TAOK1: variants seen among roughly 807,000 people sequenced by gnomAD.
The protein encoded by TAOK1 is TAO kinase 1.
TAOK1 carries 21 observed loss-of-function variants against 138.3 expected under a neutral mutation model. That is an observed-to-expected ratio of 0.15 (90% confidence interval 0.11 to 0.22). TAOK1 has a LOEUF of 0.22. Ranked by LOEUF, TAOK1 falls within the 10% of genes least tolerant of loss-of-function variation. TAOK1 has a pLI of 1.00. For missense variants in TAOK1, 651 were observed against 1,227.7 expected (o/e 0.53, Z 7.02); for synonymous variants, 361 against 398.4 (o/e 0.91, Z 1.12).
Position 29,530,389 on chromosome 17 carries a change from AT to A in TAOK1, c.2149-9del, listed in dbSNP as rs573433155. On this transcript the variant is annotated splice_polypyrimidine_tract_variant and intron_variant, in intron 17 of 19. Transcript: ENST00000261716. Reference sequence around the variant, plus strand: ...CTTTCGTTACAACTTACATAAATGTATTTTTTTTTCTTCCCAGTCTAAAGAA... The same window carrying A: ...CTTTCGTTACAACTTACATAAATGTATTTTTTTTCTTCCCAGTCTAAAGAA... The A allele has an allele frequency of 4.9e-5, 78 of 1,582,088 alleles. No individual in the cohort carries two copies. Among genetic ancestry groups the A allele is most frequent in the Middle Eastern group, 1.7e-4 (1 of 5,972 alleles).
At chr17:29,408,227 T>G (rs1484326378) in intron 1 of TAOK1, among the ~76,000 whole-genome samples, 1 of 150,814 alleles carries the variant, frequency 6.6e-6, no homozygotes, top group Non-Finnish European at 1.5e-5. Context: ...ATAAGGTTTT[T>G]TTTTTTTTTT....
intron 1 of TAOK1, among the ~76,000 whole-genome samples, chr17:29,405,636 G>C (rs886082301): frequency 6.6e-6 from 1 of 151,908 alleles, no homozygotes; most frequent in Non-Finnish European, 1.5e-5. Context: ...AAAATTAGCT[G>C]GGTGTGGTGG....
At chr17:29,523,432 GGCTGGAGT>G (rs1567743754) in intron 17 of TAOK1, among the ~76,000 whole-genome samples, 1 of 152,180 alleles carries the variant, frequency 6.6e-6, no homozygotes, top group Non-Finnish European at 1.5e-5. Context: ...CTTTCGCCCA[GGCTGGAGT>G]GCAGCGGCAT....
chr17:29,413,039 C>A (rs1317799142), intron 1 of TAOK1, among the ~76,000 whole-genome samples: 3 of 152,082 alleles, frequency 2.0e-5, no homozygotes, highest in Non-Finnish European at 4.4e-5. Flanking sequence ...ACATTAAGAT[C>A]CTGTGGTCTA....
chr17:29,448,311 A>G (rs1020869757), intron 1 of TAOK1, among the ~76,000 whole-genome samples: 9 of 152,126 alleles, frequency 5.9e-5, no homozygotes, highest in Non-Finnish European at 4.4e-5. Context: ...TATCAAATCA[A>G]TCTTTTTCCC....
chr17:29,491,901 T>C (rs1369715299), intron 10 of TAOK1, 36 bp downstream of exon 10: 1 of 1,503,372 alleles, frequency 6.7e-7, no homozygotes, highest in Non-Finnish European at 9.2e-7. Context: ...TTATTTTATT[T>C]TAAGACAAGG....
intron 18 of TAOK1, 67 bp from the exon 19 acceptor site, chr17:29,534,051 T>C (rs879179866): frequency 6.9e-7 from 1 of 1,441,854 alleles, no homozygotes; most frequent in South Asian, 1.7e-5. Flanking sequence ...CTCCTTTCCA[T>C]AGGTCATGAA....
chr17:29,446,880 A>G (rs1276025271), intron 1 of TAOK1, among the ~76,000 whole-genome samples: 1 of 151,778 alleles, frequency 6.6e-6, no homozygotes, highest in East Asian at 1.9e-4. Flanking sequence ...CTGGGATTAC[A>G]GGCGTGCACC....
intron 1 of TAOK1, among the ~76,000 whole-genome samples, chr17:29,404,667 G>C (rs961634322): frequency 1.3e-5 from 2 of 152,038 alleles, no homozygotes; most frequent in Non-Finnish European, 2.9e-5. Context: ...GCATGTGCCT[G>C]TGGTCCCAGC....
intron 1 of TAOK1, among the ~76,000 whole-genome samples, chr17:29,445,834 T>C (rs2030062232): frequency 6.6e-6 from 1 of 152,194 alleles, no homozygotes; most frequent in South Asian, 2.1e-4. Context: ...TAAAATGAAT[T>C]GGGAAATGTT....
At chr17:29,476,552 G>A (rs537335302) in intron 4 of TAOK1, among the ~76,000 whole-genome samples, 22 of 152,232 alleles carry the variant, frequency 1.4e-4, no homozygotes, top group African/African-American at 5.3e-4. Flanking sequence ...AAAATACCTG[G>A]CACATAGGAG....
At chr17:29,504,276 C>CAAAAAA (rs71138826) in intron 13 of TAOK1, among the ~76,000 whole-genome samples, 19 of 40,798 alleles carry the variant, frequency 4.7e-4, no homozygotes, top group Middle Eastern at 0.033. Context: ...GACCCTGTCT[C>CAAAAAA]AAAAAAAAAA....
At chr17:29,536,449 A>G (rs549954729) in intron 19 of TAOK1, among the ~76,000 whole-genome samples, 174 of 151,552 alleles carry the variant, frequency 1.1e-3, no homozygotes, top group African/African-American at 4.1e-3. Context: ...AATACAAAAA[A>G]TTAACCCGGG....
At chr17:29,535,230 G>A (rs1438598001) in intron 19 of TAOK1, among the ~76,000 whole-genome samples, 5 of 152,074 alleles carry the variant, frequency 3.3e-5, no homozygotes, top group African/African-American at 9.7e-5. Flanking sequence ...AAGATGGATT[G>A]AGCCTAGAAG....
chr17:29,409,573 TCC>T (rs1905092146), intron 1 of TAOK1, among the ~76,000 whole-genome samples: 1 of 151,864 alleles, frequency 6.6e-6, no homozygotes, highest in African/African-American at 2.4e-5. Context: ...GACCTTGTGA[TCC>T]CCCCGCCTCA....
intron 17 of TAOK1, among the ~76,000 whole-genome samples, chr17:29,529,560 T>C (rs897025290): frequency 1.3e-5 from 2 of 151,862 alleles, no homozygotes; most frequent in African/African-American, 4.8e-5. Context: ...AGTGAAACCT[T>C]GTCTCTACAA....
chr17:29,425,941 C>T (rs1317807206), intron 1 of TAOK1, among the ~76,000 whole-genome samples: 4 of 152,120 alleles, frequency 2.6e-5, no homozygotes, highest in African/African-American at 4.8e-5. Context: ...AGTGCAGTGG[C>T]GCGATCTCGG....
intron 8 of TAOK1, among the ~76,000 whole-genome samples, chr17:29,486,465 T>A (rs930580050): frequency 6.6e-6 from 1 of 152,100 alleles, no homozygotes; most frequent in Non-Finnish European, 1.5e-5. Flanking sequence ...AAACCTCATC[T>A]ATACTAAAAC....
At chr17:29,535,518 C>T (rs540872827) in intron 19 of TAOK1, among the ~76,000 whole-genome samples, 2 of 152,084 alleles carry the variant, frequency 1.3e-5, no homozygotes, top group South Asian at 4.2e-4. Context: ...CCTCTATTTC[C>T]TATAGTTCCT....
Sources: allele counts gnomAD v4.1 joint callset (sites outside exome capture counted in the v4.1 genomes callset), GRCh38; gene constraint gnomAD v4.1.1; transcripts MANE v1.5; gene names NCBI Gene and HGNC (gene_info 2026-07-23, HGNC 2026-07-21).